The following MROH9 variants were observed in gnomAD, a reference collection of about 807,000 sequenced individuals.
MROH9 encodes the protein maestro heat-like repeat-containing protein family member 9.
Under a neutral mutation model 98.2 loss-of-function variants are expected in MROH9, and 92 were observed. That is an observed-to-expected ratio of 0.94 (90% CI 0.79 to 1.11). The LOEUF is 1.11. MROH9 is among the 50% of genes most tolerant of loss of function. The probability of loss-of-function intolerance (pLI) is 0.00; values close to 1 mark genes in which losing one functional copy is unlikely to be tolerated. For missense variants in MROH9, 1,057 were observed against 1,014.8 expected (o/e 1.04, Z -0.57); for synonymous variants, 397 against 368.9 (o/e 1.08, Z -0.87).
intron 20 of MROH9, among the ~76,000 whole-genome samples, chr1:171,050,258 T>C (rs1433985549): frequency 6.6e-6 from 1 of 152,160 alleles, no homozygotes; most frequent in Non-Finnish European, 1.5e-5. Flanking sequence ...ATTTTATGGT[T>C]TTGGGTCTTA....
intron 1 of MROH9, among the ~76,000 whole-genome samples, chr1:170,942,929 G>A (rs969496514): frequency 3.3e-5 from 5 of 152,214 alleles, no homozygotes; most frequent in African/African-American, 4.8e-5. Flanking sequence ...AATGCTGCCA[G>A]GAGGGTAAAA....
chr1:170,952,642 C>T (rs1468316302), intron 3 of MROH9, among the ~76,000 whole-genome samples: 1 of 151,278 alleles, frequency 6.6e-6, no homozygotes, highest in Non-Finnish European at 1.5e-5. Context: ...GGAGATATAC[C>T]TAATGTAAAT....
intron 3 of MROH9, among the ~76,000 whole-genome samples, chr1:170,952,065 A>C (rs1649572907): frequency 6.6e-6 from 1 of 151,528 alleles, no homozygotes; most frequent in African/African-American, 2.4e-5. Context: ...ATCTCACACC[A>C]GTTAGAATGG....
chr1:171,020,156 G>A (rs73038301), intron 17 of MROH9, among the ~76,000 whole-genome samples: 3,206 of 151,618 alleles, frequency 0.021, 135 homozygotes, highest in African/African-American at 0.074. Flanking sequence ...CTCAGGACCA[G>A]GATTTCACAG....
chr1:171,028,689 C>T (rs1332740489), intron 20 of MROH9, among the ~76,000 whole-genome samples: 2 of 152,110 alleles, frequency 1.3e-5, no homozygotes, highest in Admixed American at 1.3e-4. Context: ...TGTTTGTGTC[C>T]TCTCTGATTT....
intron 20 of MROH9, among the ~76,000 whole-genome samples, chr1:171,055,273 T>C (rs1025243258): frequency 1.3e-5 from 2 of 152,114 alleles, no homozygotes; most frequent in African/African-American, 4.8e-5. Context: ...AAAACCAAAC[T>C]TCCTGTGTTC....
chr1:170,980,938 C>T (rs148881479), intron 8 of MROH9, among the ~76,000 whole-genome samples: 3,108 of 152,116 alleles, frequency 0.02, 124 homozygotes, highest in African/African-American at 0.072. Flanking sequence ...AAACAAACAA[C>T]CCCATCAAAA....
At chr1:171,005,812 C>T (rs1314689470) in intron 15 of MROH9, among the ~76,000 whole-genome samples, 1 of 152,076 alleles carries the variant, frequency 6.6e-6, no homozygotes, top group African/African-American at 2.4e-5. Context: ...ACTTGCAGCA[C>T]TTTACACTTT....
At position 171,024,303 on chromosome 1, in the gene MROH9, G is replaced by GTGT. The variant is rs1553219583; in HGVS notation, c.1909-92_1909-91insTGT. On this transcript the variant is annotated intron_variant, in intron 17 of 21. Transcript: ENST00000367759. Reference sequence around the variant, plus strand: ...ATACATATATAGTATATTTATATGGGGTGTGTGTGTGTGTGTGTGTGTGTG... The same window carrying GTGT: ...ATACATATATAGTATATTTATATGGGTGTGTGTGTGTGTGTGTGTGTGTGTGTG... 2.7e-4 allele frequency: 182 copies of GTGT among 670,010 alleles called. 1 individual carries two copies. The highest frequency in any genetic ancestry group is 2.6e-3 in the African/African-American group (141 of 53,344). The allele number at this position is 670,010 out of a possible 1,614,324, so 41.5% of individuals were successfully genotyped here.
At chr1:171,013,342 C>T (rs757644346) in intron 15 of MROH9, among the ~76,000 whole-genome samples, 2 of 152,122 alleles carry the variant, frequency 1.3e-5, no homozygotes, top group African/African-American at 2.4e-5. Context: ...AGATCAGTGG[C>T]GGCATTAGAT....
chr1:170,963,668 T>C (rs1289032246), intron 6 of MROH9, among the ~76,000 whole-genome samples: 1 of 152,118 alleles, frequency 6.6e-6, no homozygotes, highest in Non-Finnish European at 1.5e-5. Flanking sequence ...AAGAATAAGA[T>C]TATGTACTTT....
chr1:170,993,712 TAA>T (rs770692852), intron 12 of MROH9, among the ~76,000 whole-genome samples: 10 of 152,052 alleles, frequency 6.6e-5, no homozygotes, highest in Non-Finnish European at 1.2e-4. Context: ...AGCCATGCCG[TAA>T]AAGAGAAAAG....
intron 2 of MROH9, 120 bp downstream of exon 2, chr1:170,945,701 G>A (rs1361396980): frequency 1.2e-6 from 1 of 862,080 alleles, no homozygotes; most frequent in Non-Finnish European, 1.7e-6. Flanking sequence ...AACAAAGAAT[G>A]TACCTTTTTT....
At chr1:171,058,926 A>T (rs1653933717) in intron 20 of MROH9, among the ~76,000 whole-genome samples, 1 of 152,262 alleles carries the variant, frequency 6.6e-6, no homozygotes, top group Non-Finnish European at 1.5e-5. Flanking sequence ...TTCAGGGCAT[A>T]TGCATGGGCA....
chr1:171,008,401 C>T (rs1318972696), intron 15 of MROH9, among the ~76,000 whole-genome samples: 1 of 152,042 alleles, frequency 6.6e-6, no homozygotes, highest in South Asian at 2.1e-4. Flanking sequence ...TTTTGTTCTG[C>T]AGTTATTTAT....
intron 14 of MROH9, 32 bp from the exon 15 acceptor site, chr1:170,998,122 T>C: frequency 6.5e-7 from 1 of 1,531,944 alleles, no homozygotes; most frequent in Non-Finnish European, 8.8e-7. Flanking sequence ...GTTTTCTCCT[T>C]TGCTAATTCA....
intron 20 of MROH9, among the ~76,000 whole-genome samples, chr1:171,030,257 T>C (rs1652863908): frequency 6.6e-6 from 1 of 152,198 alleles, no homozygotes. Context: ...TTTATTGTTT[T>C]TTTGGAGGGC....
intron 7 of MROH9, among the ~76,000 whole-genome samples, chr1:170,970,737 AG>A (rs1650421257): frequency 7.7e-6 from 1 of 129,848 alleles, no homozygotes; most frequent in Non-Finnish European, 1.6e-5. Context: ...TGTGTGAGAG[AG>A]AGAGAGAGAG....
At chr1:170,955,598 G>A (rs979833222) in intron 3 of MROH9, among the ~76,000 whole-genome samples, 1 of 152,030 alleles carries the variant, frequency 6.6e-6, no homozygotes, top group African/African-American at 2.4e-5. Context: ...TCATATGTTT[G>A]TTGGCCATTT....
Sources: allele counts gnomAD v4.1 joint callset (sites outside exome capture counted in the v4.1 genomes callset), GRCh38; gene constraint gnomAD v4.1.1; transcripts MANE v1.5; gene names NCBI Gene and HGNC (gene_info 2026-07-23, HGNC 2026-07-21).